KIAA1671: variants seen among roughly 807,000 people sequenced by gnomAD.
KIAA1671 encodes KIAA1671.
KIAA1671 carries 52 observed loss-of-function variants against 131.2 expected under a neutral mutation model. The observed-to-expected ratio is 0.40, with a 90% CI of 0.32 to 0.50. The LOEUF (loss-of-function observed/expected upper bound fraction) is 0.50. Ranked by LOEUF, KIAA1671 falls within the 20% of genes least tolerant of loss-of-function variation. The probability of loss-of-function intolerance (pLI) is 0.73; values close to 1 mark genes in which losing one functional copy is unlikely to be tolerated. For missense variants in KIAA1671, 2,360 were observed against 2,364.2 expected (o/e 1.00, Z 0.04); for synonymous variants, 1,003 against 961.6 (o/e 1.04, Z -0.80).
chr22:25,163,757 C>T (rs1277430530), intron 6 of KIAA1671, among the ~76,000 whole-genome samples: 1 of 152,018 alleles, frequency 6.6e-6, no homozygotes, highest in Non-Finnish European at 1.5e-5. Flanking sequence ...CTGTATTTAT[C>T]CATTGCATGG....
At chr22:25,006,247 G>A (rs2071919314) in intron 1 of KIAA1671, among the ~76,000 whole-genome samples, 3 of 152,082 alleles carry the variant, frequency 2.0e-5, no homozygotes, top group Admixed American at 2.0e-4. Flanking sequence ...TGGCCAGGCT[G>A]GTCTCGAACT....
At chr22:24,989,606 G>T (rs952168610) in intron 1 of KIAA1671, among the ~76,000 whole-genome samples, 1 of 152,152 alleles carries the variant, frequency 6.6e-6, no homozygotes, top group Non-Finnish European at 1.5e-5. Flanking sequence ...GCTCAGGGGG[G>T]ATGCACTGGC....
chr22:25,153,643 A>G (rs1933126222), intron 6 of KIAA1671, among the ~76,000 whole-genome samples: 1 of 152,208 alleles, frequency 6.6e-6, no homozygotes, highest in African/African-American at 2.4e-5. Context: ...GGGGGCTGGC[A>G]TAGTCAAATG....
At chr22:25,095,591 C>T (rs1421142631) in intron 6 of KIAA1671, among the ~76,000 whole-genome samples, 2 of 152,170 alleles carry the variant, frequency 1.3e-5, no homozygotes, top group African/African-American at 4.8e-5. Context: ...GTGGAGCTTG[C>T]AGTGAGCTGA....
At chr22:24,986,028 G>A (rs915903615) in intron 1 of KIAA1671, among the ~76,000 whole-genome samples, 3 of 152,128 alleles carry the variant, frequency 2.0e-5, no homozygotes, top group Non-Finnish European at 4.4e-5. Flanking sequence ...TGAAAGACAG[G>A]AGTTAAATTT....
intron 6 of KIAA1671, among the ~76,000 whole-genome samples, chr22:25,161,417 C>G (rs964548496): frequency 1.3e-5 from 2 of 152,220 alleles, no homozygotes; most frequent in Non-Finnish European, 2.9e-5. Context: ...GGCCTGGGCC[C>G]GTGGAGGCAG....
At chr22:24,982,086 C>T (rs550848573) in intron 1 of KIAA1671, among the ~76,000 whole-genome samples, 257 of 152,250 alleles carry the variant, frequency 1.7e-3, no homozygotes, top group African/African-American at 5.9e-3. Flanking sequence ...CTGTCATCCA[C>T]GCACCACTTG....
chr22:25,073,163 G>A (rs923834588), intron 6 of KIAA1671, among the ~76,000 whole-genome samples: 8 of 152,152 alleles, frequency 5.3e-5, no homozygotes, highest in Non-Finnish European at 1.0e-4. Context: ...GTCCTCCTGA[G>A]CTCAAGTGAT....
Position 25,040,166 on chromosome 22 carries a change from C to G in KIAA1671, c.3036C>G (p.Ser1012=). The G allele has an allele frequency of 6.4e-7, 1 of 1,551,666 alleles. No individual in the cohort carries two copies. Among genetic ancestry groups the G allele is most frequent in the Admixed American group, 2.0e-5 (1 of 51,002 alleles). The change falls in exon 5 of 13, where the codon TCC becomes TCG. Residue 1012 remains serine (S), a synonymous_variant. Transcript: ENST00000358431. The stretch of plus-strand genomic sequence containing the variant: ...CAGGTGCTTCACGGGACCAGACTTC[C>G]CCAGCAGTGAAGCAAGGGTCACCTG... ...VNPGASRDQT[S]PAVKQGSPVE... is the part of the protein sequence containing the mutation.
At position 24,962,987 on chromosome 22, in the gene KIAA1671, A is replaced by G. The variant is rs16979324; in HGVS notation, c.-208+10215A>G. Among the ~76,000 whole-genome samples the G allele has an allele frequency of 4.7e-3, 719 of 152,164 alleles. 5 individuals carry two copies. The highest frequency in any genetic ancestry group is 0.016 in the African/African-American group (677 of 41,500). On this transcript the variant is annotated intron_variant, in intron 1 of 12. Coordinates refer to ENST00000358431, the MANE Select transcript of KIAA1671 (RefSeq NM_001145206.2). Reference sequence around the variant, plus strand: ...TAAGAAGTATTCACATGGCGCCACTATGAATGCACTCAGCAGGCTTCTGGG... The same window carrying G: ...TAAGAAGTATTCACATGGCGCCACTGTGAATGCACTCAGCAGGCTTCTGGG...
intron 6 of KIAA1671, among the ~76,000 whole-genome samples, chr22:25,167,814 T>A (rs1469398517): frequency 6.6e-6 from 1 of 152,116 alleles, no homozygotes; most frequent in African/African-American, 2.4e-5. Context: ...ACGAACATCA[T>A]GGGGTACATG....
rs1251709853 is a variant in KIAA1671, at chr22:25,038,763, A to G, written c.1633A>G (p.Lys545Glu). ...TTTTCTTTTTGTTTCTTTCCAGCAAAAGGAGGGGCACAGTTTGGATGGAGC... is the reference window on the plus strand; with the variant it reads ...TTTTCTTTTTGTTTCTTTCCAGCAAGAGGAGGGGCACAGTTTGGATGGAGC... ...EFPKEPREKQKEGHSLDGACI... is the reference protein window; with the variant it reads ...EFPKEPREKQEEGHSLDGACI... Residue 545 changes from lysine to glutamate, a missense_variant, in exon 5 of 13, where the codon AAG becomes GAG. Physicochemically the swap from Lys to Glu is moderately conservative, Grantham distance 56. Transcript: ENST00000358431. The G allele has an allele frequency of 6.6e-7, 1 of 1,522,442 alleles. No homozygotes were observed. Among genetic ancestry groups the G allele is most frequent in the Non-Finnish European group, 8.9e-7 (1 of 1,126,678 alleles). The allele number at this position is 1,522,442 out of a possible 1,614,324, so 94.3% of individuals were successfully genotyped here. A position where few individuals can be genotyped will look rare whatever the true frequency, so the allele number is the denominator to read the frequency against.
chr22:25,095,977 G>A (rs1292428747), intron 6 of KIAA1671, among the ~76,000 whole-genome samples: 3 of 152,224 alleles, frequency 2.0e-5, no homozygotes, highest in African/African-American at 7.2e-5. Flanking sequence ...CTGTCCCTGG[G>A]ATCAGACGGA....
chr22:25,190,689 T>A lies in KIAA1671; in HGVS notation c.5343-13T>A. On this transcript the variant is annotated splice_polypyrimidine_tract_variant and intron_variant, in intron 11 of 12. Transcript: ENST00000358431. ...TGGTTTCAACTAGTCTCTTACTGGC[T>A]TTGTGGTTTCAGGTCGGATGAACCC... 1 of 1,549,870 alleles carries A rather than the reference T, an allele frequency of 6.5e-7. No individual in the cohort carries two copies. Among genetic ancestry groups the A allele is most frequent in the Non-Finnish European group, 8.7e-7 (1 of 1,145,258 alleles).
chr22:25,172,223 G>A (rs898923503), intron 7 of KIAA1671, among the ~76,000 whole-genome samples: 1 of 152,086 alleles, frequency 6.6e-6, no homozygotes, highest in Non-Finnish European at 1.5e-5. Context: ...CCTCTCTCGG[G>A]GTCTCCATTC....
intron 1 of KIAA1671, among the ~76,000 whole-genome samples, chr22:25,000,464 A>G (rs922096623): frequency 2.5e-5 from 2 of 81,246 alleles, no homozygotes; most frequent in African/African-American, 8.9e-5. Context: ...AAGTGCTGGG[A>G]TTACAGGCGT....
intron 1 of KIAA1671, among the ~76,000 whole-genome samples, chr22:24,963,291 G>T (rs987978519): frequency 3.3e-5 from 5 of 150,216 alleles, no homozygotes; most frequent in African/African-American, 1.2e-4. Flanking sequence ...TTGAACCTGG[G>T]AGGCGGCTCT....
At chr22:25,023,635 A>G (rs1468064058) in intron 1 of KIAA1671, 1 of 152,156 alleles carries the variant, frequency 6.6e-6, no homozygotes, top group African/African-American at 2.4e-5. Context: ...AATATTACGG[A>G]GCCATCTACT....
At chr22:25,054,533 G>C (rs74444066) in intron 6 of KIAA1671, 2,507 of 149,416 alleles carry the variant, frequency 0.017, 168 homozygotes, top group Middle Eastern at 0.041. Context: ...TATTACAAAA[G>C]ATAAGCTGTA....
Sources: gnomAD v4.1 joint callset for allele counts (sites outside exome capture counted in the v4.1 genomes callset) on GRCh38, gnomAD v4.1.1 for gene constraint, MANE v1.5 for transcripts, NCBI Gene and HGNC (gene_info 2026-07-23, HGNC 2026-07-21) for gene names.